NID2: variants seen among roughly 807,000 people sequenced by gnomAD.
NID2 encodes nidogen 2, also known as nidogen-2.
Under a neutral mutation model 145.4 loss-of-function variants are expected in NID2, and 83 were observed. The ratio of observed to expected loss-of-function variants is 0.57; its 90% CI spans 0.48 to 0.69. NID2 has a LOEUF of 0.69. Among genes scored for constraint, NID2 ranks in the 30% least tolerant of loss-of-function variants. NID2 has a pLI of 0.00. For missense variants in NID2, 1,807 were observed against 1,765.7 expected (o/e 1.02, Z -0.42); for synonymous variants, 739 against 701.3 (o/e 1.05, Z -0.85).
intron 9 of NID2, among the ~76,000 whole-genome samples, chr14:52,032,163 C>T (rs949301803): frequency 4.6e-5 from 7 of 152,190 alleles, no homozygotes; most frequent in African/African-American, 1.7e-4. Flanking sequence ...CTCTTTCCAT[C>T]CCACTTTATA....
At chr14:52,028,961 G>T in intron 10 of NID2, 111 bp from the exon 11 acceptor site, 2 of 1,020,408 alleles carry the variant, frequency 2.0e-6, no homozygotes, top group Non-Finnish European at 1.4e-6. Context: ...GGGACAAATG[G>T]TTGGCAGATG....
chr14:52,042,312 G>A lies in NID2; in HGVS notation c.1618C>T (p.Leu540Phe). Residue 540 changes from leucine (L) to phenylalanine (F), a missense_variant, in exon 7 of 22, where the codon CTC becomes TTC. Transcript: ENST00000216286. ...HRVNGKVSGH[L>F]HVGHTPVHFT... ...TGCACGGGTGTATGGCCCACGTGGA[G>A]GTGGCCACTCACTTTCCCATTCACT... The A allele has an allele frequency of 6.2e-7, 1 of 1,613,494 alleles. No individual in the cohort carries two copies. The highest frequency in any genetic ancestry group is 8.5e-7 in the Non-Finnish European group (1 of 1,179,512).
intron 19 of NID2, chr14:52,007,359 G>A (rs1488839930): frequency 5.6e-6 from 1 of 177,808 alleles, no homozygotes; most frequent in Non-Finnish European, 1.2e-5. Context: ...TTTCAGTTGT[G>A]CTGATAAAAG....
chr14:52,044,302 C>T (rs1892399090), intron 5 of NID2, among the ~76,000 whole-genome samples: 1 of 134,436 alleles, frequency 7.4e-6, no homozygotes, highest in South Asian at 2.4e-4. Flanking sequence ...CGGAGTCTCG[C>T]TCTGTCGCCC....
intron 8 of NID2, among the ~76,000 whole-genome samples, chr14:52,040,316 C>A (rs1347320711): frequency 1.3e-5 from 2 of 151,518 alleles, no homozygotes; most frequent in African/African-American, 4.9e-5. Context: ...AATATAAATT[C>A]CAATAATCAC....
chr14:52,010,897 A>G lies in NID2; in HGVS notation c.3701T>C (p.Ile1234Thr), dbSNP rs1890987227. Residue 1234 changes from isoleucine to threonine, a missense_variant, in exon 18 of 22, where the codon ATC becomes ACC. Coordinates refer to ENST00000216286, the MANE Select transcript of NID2 (RefSeq NM_007361.4). ...FYTDLVNPRA[I>T]AVDPIRGNLY... ...TGACCCTCGGATTGGATCCACAGCG[A>G]TGGCACGGGGATTCACCAGATCTGT... The G allele has an allele frequency of 6.2e-6, 10 of 1,613,224 alleles. No individual in the cohort carries two copies. The highest frequency in any genetic ancestry group is 1.7e-5 in the Admixed American group (1 of 60,006).
In NID2 at chr14:52,040,735, T is replaced by C; in HGVS notation, c.1942A>G (p.Ile648Val). Residue 648 changes from isoleucine (I) to valine (V), a missense_variant, in exon 8 of 22, where the codon ATT (isoleucine) becomes GTT (valine). By Grantham distance (29) the Ile-to-Val change is conservative. Coordinates refer to ENST00000216286, the MANE Select transcript of NID2 (RefSeq NM_007361.4). ...PENYLSIKTNIQGQVPYVSAN... is the reference protein window; with the variant it reads ...PENYLSIKTNVQGQVPYVSAN... ...GAGACGTAAGGCACCTGGCCTTGAA[T>C]GTTGGTCTTAATGCTCAGGTAGTTC... 1.9e-6 allele frequency: 3 copies of C among 1,614,144 alleles called. No homozygotes were observed. The highest frequency in any genetic ancestry group is 2.5e-6 in the Non-Finnish European group (3 of 1,180,018).
intron 12 of NID2, among the ~76,000 whole-genome samples, chr14:52,023,849 C>G (rs1217047320): frequency 1.3e-5 from 2 of 152,142 alleles, no homozygotes; most frequent in African/African-American, 4.8e-5. Context: ...CTCCAGGGAG[C>G]CGGTTTTTTT....
intron 15 of NID2, among the ~76,000 whole-genome samples, 177 bp from the exon 16 acceptor site, chr14:52,014,633 A>C (rs1891151986): frequency 6.6e-6 from 1 of 151,992 alleles, no homozygotes; most frequent in African/African-American, 2.4e-5. Flanking sequence ...TTTTTTAAGG[A>C]TCAATTATGT....
intron 5 of NID2, among the ~76,000 whole-genome samples, chr14:52,045,922 T>C (rs1373232996): frequency 6.6e-6 from 1 of 152,212 alleles, no homozygotes; most frequent in Non-Finnish European, 1.5e-5. Context: ...TCCTCATCTC[T>C]AAAATAAGTA....
chr14:52,035,330 G>A (rs182468927), intron 9 of NID2, among the ~76,000 whole-genome samples: 2 of 152,290 alleles, frequency 1.3e-5, no homozygotes. Context: ...TCTCTATAGT[G>A]TAACCTTTTC....
intron 9 of NID2, among the ~76,000 whole-genome samples, chr14:52,030,503 GAAAGAAAGAAAGAAA>G (rs1891774146): frequency 1.7e-5 from 1 of 57,760 alleles, no homozygotes; most frequent in Non-Finnish European, 3.6e-5. Flanking sequence ...GAAAGAAAGA[GAAAGAAAGAAAGAAA>G]AGAAAGAAAG....
chr14:52,046,917 G>A (rs1487197026), intron 5 of NID2, among the ~76,000 whole-genome samples: 1 of 152,198 alleles, frequency 6.6e-6, no homozygotes, highest in African/African-American at 2.4e-5. Flanking sequence ...GGGAAGGCAA[G>A]CCTCCATTTA....
intron 9 of NID2, among the ~76,000 whole-genome samples, chr14:52,030,863 T>C (rs914162709): frequency 2.0e-5 from 3 of 152,060 alleles, no homozygotes; most frequent in Admixed American, 2.0e-4. Flanking sequence ...AATATATATA[T>C]TTATTTCTAC....
At chr14:52,050,066 T>C (rs540375889) in intron 5 of NID2, among the ~76,000 whole-genome samples, 1 of 152,346 alleles carries the variant, frequency 6.6e-6, no homozygotes, top group South Asian at 2.1e-4. Flanking sequence ...TGGGACTACA[T>C]GAGGTTTCTG....
intron 5 of NID2, among the ~76,000 whole-genome samples, chr14:52,044,993 G>T (rs1892435187): frequency 6.6e-6 from 1 of 152,228 alleles, no homozygotes; most frequent in South Asian, 2.1e-4. Context: ...AAGTCGCATA[G>T]GCAGTGAGTG....
intron 5 of NID2, among the ~76,000 whole-genome samples, chr14:52,045,142 C>G (rs1892441326): frequency 6.6e-6 from 1 of 152,126 alleles, no homozygotes; most frequent in Non-Finnish European, 1.5e-5. Flanking sequence ...TTAATCAGCA[C>G]AGACTTCAAG....
intron 2 of NID2, among the ~76,000 whole-genome samples, chr14:52,064,424 G>A (rs866333470): frequency 2.0e-5 from 3 of 152,192 alleles, no homozygotes; most frequent in African/African-American, 7.2e-5. Flanking sequence ...ATCACATGGC[G>A]ACAAAGCTGA....
rs1409722340 is a variant in NID2, at chr14:52,028,714, G to A, written c.2530+8C>T. On this transcript the variant is annotated splice_region_variant and intron_variant, in intron 11 of 21. Transcript: ENST00000216286. ...TTGGCCACACAGGAAAATGATTTTGGAACTCACAGATGCAAGTATGCCGGT... is the reference window on the plus strand; with the variant it reads ...TTGGCCACACAGGAAAATGATTTTGAAACTCACAGATGCAAGTATGCCGGT... 2 of 1,608,830 alleles carry A rather than the reference G, an allele frequency of 1.2e-6. No individual in the cohort carries two copies. The highest frequency in any genetic ancestry group is 1.7e-6 in the Non-Finnish European group (2 of 1,178,456).
Sources: allele counts gnomAD v4.1 joint callset (sites outside exome capture counted in the v4.1 genomes callset), GRCh38; gene constraint gnomAD v4.1.1; transcripts MANE v1.5; gene names NCBI Gene and HGNC (gene_info 2026-07-23, HGNC 2026-07-21).